PYGB: variants seen among roughly 807,000 people sequenced by gnomAD.
PYGB encodes the protein glycogen phosphorylase, brain form.
A neutral mutation model predicts 94.3 loss-of-function variants in PYGB; 82 were observed. That is an observed-to-expected ratio of 0.87 (90% CI 0.73 to 1.04). The LOEUF (loss-of-function observed/expected upper bound fraction) is 1.04. Ranked by LOEUF, PYGB falls within the 50% of genes least tolerant of loss-of-function variation. The probability of loss-of-function intolerance (pLI) is 0.00; values close to 1 mark genes in which losing one functional copy is unlikely to be tolerated. For missense variants in PYGB, 1,132 were observed against 1,158.2 expected (o/e 0.98, Z 0.33); for synonymous variants, 488 against 479.1 (o/e 1.02, Z -0.24).
intron 15 of PYGB, 27 bp from the exon 16 acceptor site, chr20:25,290,454 C>CT (rs1276117707): frequency 1.3e-6 from 2 of 1,594,080 alleles, no homozygotes; most frequent in South Asian, 1.1e-5. Flanking sequence ...CATTTTTGTG[C>CT]TAAAAACCTT....
At chr20:25,270,033 C>T (rs1308304815) in intron 3 of PYGB, among the ~76,000 whole-genome samples, 1 of 152,172 alleles carries the variant, frequency 6.6e-6, no homozygotes, top group East Asian at 1.9e-4. Flanking sequence ...TTCCCTGCTG[C>T]AGGCGAGTCC....
intron 3 of PYGB, among the ~76,000 whole-genome samples, chr20:25,270,274 T>A (rs2088255892): frequency 6.8e-6 from 1 of 148,094 alleles, no homozygotes; most frequent in East Asian, 2.0e-4. Context: ...TGATCTCGGC[T>A]CACTGCAAGC....
chr20:25,261,048 G>T (rs890846324), intron 2 of PYGB, among the ~76,000 whole-genome samples: 1 of 152,234 alleles, frequency 6.6e-6, no homozygotes, highest in African/African-American at 2.4e-5. Context: ...CTCCACCTCT[G>T]GGGGCAGGGC....
At position 25,276,747 on chromosome 20, in the gene PYGB, G is replaced by C. The variant is rs771184402; in HGVS notation, c.762G>C (p.Lys254Asn). ...LWSAKAPNDFKLQDFNVGDYI... is the reference protein window; with the variant it reads ...LWSAKAPNDFNLQDFNVGDYI... ...CCGCCAAGGCTCCCAACGACTTCAA[G>C]CTGCAGGACTGTACGTTCCGTGGTT... Residue 254 changes from lysine to asparagine, a missense_variant, in exon 6 of 20, where the codon AAG becomes AAC. Transcript: ENST00000216962. The C allele has an allele frequency of 1.2e-6, 2 of 1,613,772 alleles. No homozygotes were observed. Among genetic ancestry groups the C allele is most frequent in the Admixed American group, 1.7e-5 (1 of 60,008 alleles).
intron 7 of PYGB, among the ~76,000 whole-genome samples, 157 bp downstream of exon 7, chr20:25,277,483 G>T (rs758419644): frequency 1.3e-5 from 2 of 152,166 alleles, no homozygotes; most frequent in Non-Finnish European, 2.9e-5. Flanking sequence ...CGATGCCCTT[G>T]GGGAGGAGAG....
chr20:25,277,371 C>G (rs780120251), intron 7 of PYGB, 45 bp downstream of exon 7: 1 of 1,515,864 alleles, frequency 6.6e-7, no homozygotes, highest in South Asian at 1.1e-5. Context: ...GTATCGCTTT[C>G]TGGCATAGAG....
intron 1 of PYGB, among the ~76,000 whole-genome samples, chr20:25,250,823 A>G (rs2092885653): frequency 6.6e-6 from 1 of 152,228 alleles, no homozygotes; most frequent in Non-Finnish European, 1.5e-5. Context: ...CAAGTCCTGA[A>G]GGAAAAATTA....
chr20:25,264,975 C>T (rs866571940), intron 2 of PYGB, among the ~76,000 whole-genome samples: 8 of 152,332 alleles, frequency 5.3e-5, no homozygotes, highest in Admixed American at 2.0e-4. Context: ...CCAAGACAAT[C>T]CTAAGCCAAA....
In PYGB at chr20:25,292,571, T is replaced by G. The variant is rs1600743360; in HGVS notation, c.2135T>G (p.Phe712Cys). 6.2e-7 allele frequency: 1 copy of G among 1,613,082 alleles called. No individual in the cohort carries two copies. The highest frequency in any genetic ancestry group is 1.7e-4 in the Middle Eastern group (1 of 6,060). Residue 712 changes from phenylalanine (F) to cysteine (C), a missense_variant, in exon 17 of 20, where the codon TTC becomes TGC. Physicochemically the swap from Phe to Cys is radical, Grantham distance 205 (BLOSUM62 -2). Coordinates refer to ENST00000216962, the MANE Select transcript of PYGB (RefSeq NM_002862.4). ...GCCGGGGCCGAGAACCTCTTCATCT[T>G]CGGCCTGCGGGTGGAGGATGTCGAG... is the stretch of plus-strand genomic sequence containing the variant. ...EEAGAENLFIFGLRVEDVEAL... is the reference protein window; with the variant it reads ...EEAGAENLFICGLRVEDVEAL...
chr20:25,255,639 G>T (rs2092900708), intron 1 of PYGB, among the ~76,000 whole-genome samples: 1 of 151,548 alleles, frequency 6.6e-6, no homozygotes, highest in African/African-American at 2.5e-5. Context: ...CAAAAGGAGA[G>T]TTGCTGTGCT....
chr20:25,292,683 T>G lies in PYGB; in HGVS notation c.2177+70T>G, dbSNP rs780317976. 3.3e-6 allele frequency: 5 copies of G among 1,527,088 alleles called. No homozygotes were observed. In the Admixed American group the frequency reaches 5.7e-5, roughly 17 times the overall value. The allele number at this position is 1,527,088 out of a possible 1,614,324, so 94.6% of individuals were successfully genotyped here. A position where few individuals can be genotyped will look rare whatever the true frequency, so the allele number is the denominator to read the frequency against. Reference sequence around the variant, plus strand: ...AATGAAGGGTGTTGGGCTGGGGGCATTGGCTGGACTGGGCTCTTGGGGCCA... The same window carrying G: ...AATGAAGGGTGTTGGGCTGGGGGCAGTGGCTGGACTGGGCTCTTGGGGCCA... On this transcript the variant is annotated intron_variant, in intron 17 of 19. Coordinates refer to ENST00000216962, the MANE Select transcript of PYGB (RefSeq NM_002862.4).
intron 14 of PYGB, among the ~76,000 whole-genome samples, chr20:25,284,584 G>A (rs1251339623): frequency 6.6e-6 from 1 of 152,154 alleles, no homozygotes; most frequent in Non-Finnish European, 1.5e-5. Flanking sequence ...ACAGGCGCAC[G>A]CCACTATGCC....
Position 25,282,039 on chromosome 20 carries a change from G to A in PYGB, c.1410G>A (p.Lys470=). The A allele has an allele frequency of 6.2e-7, 1 of 1,611,886 alleles. No individual in the cohort carries two copies. Among genetic ancestry groups the A allele is most frequent in the Non-Finnish European group, 8.5e-7 (1 of 1,177,936 alleles). ...CTGTTCTCTGTGTTTGCAGCTTTAA[G>A]GATTTTTATGAACTGGAGCCAGAGA... is the stretch of plus-strand genomic sequence containing the variant. ...HSEIVKQSVF[K]DFYELEPEKF... The change falls in exon 12 of 20, where the codon AAG becomes AAA. Residue 470 remains lysine, a synonymous_variant. Coordinates refer to ENST00000216962, the MANE Select transcript of PYGB (RefSeq NM_002862.4).
chr20:25,281,346 C>T (rs372852008), intron 11 of PYGB, among the ~76,000 whole-genome samples: 5 of 152,238 alleles, frequency 3.3e-5, no homozygotes, highest in East Asian at 1.9e-4. Context: ...CTGCGGGCAA[C>T]GGGGAGACGG....
chr20:25,279,099 C>A lies in PYGB; in HGVS notation c.1042C>A (p.Pro348Thr), dbSNP rs760321972. The A allele has an allele frequency of 6.2e-7, 1 of 1,614,070 alleles. No homozygotes were observed. Among genetic ancestry groups the A allele is most frequent in the Non-Finnish European group, 8.5e-7 (1 of 1,179,930 alleles). Residue 348 changes from proline to threonine, a missense_variant, in exon 9 of 20, where the codon CCT (proline) becomes ACT (threonine). Physicochemically the swap from Pro to Thr is conservative, Grantham distance 38. Transcript: ENST00000216962. ...LNDTHPALSI[P>T]ELMRILVDVE... The stretch of plus-strand genomic sequence containing the variant: ...CGACACCCACCCCGCCCTCTCCATC[C>A]CTGAGCTCATGCGGATCCTGGTGGA...
chr20:25,266,538 A>G (rs1461004804), intron 2 of PYGB, among the ~76,000 whole-genome samples: 1 of 152,224 alleles, frequency 6.6e-6, no homozygotes, highest in Non-Finnish European at 1.5e-5. Context: ...AAGAAAAAAT[A>G]GATACATTGG....
intron 2 of PYGB, among the ~76,000 whole-genome samples, chr20:25,268,161 G>GTC (rs373721698): frequency 6.4e-5 from 4 of 62,078 alleles, no homozygotes; most frequent in African/African-American, 1.9e-4. Flanking sequence ...CCTAGCACCC[G>GTC]CCCCCCCCCC....
At chr20:25,285,316 A>G (rs1305227480) in intron 14 of PYGB, 1 of 151,950 alleles carries the variant, frequency 6.6e-6, no homozygotes, top group African/African-American at 2.4e-5. Flanking sequence ...GGTGACCCGG[A>G]GTCCTCCGCT....
At position 25,288,893 on chromosome 20, in the gene PYGB, C is replaced by T. The variant is rs369911613; in HGVS notation, c.1827+410C>T. ...TTCAGAGTCCTAGATGTGCTGTCAT[C>T]GAGTCCCAGGTCACATCGTCACACT... On this transcript the variant is annotated intron_variant, in intron 15 of 19. Coordinates refer to ENST00000216962, the MANE Select transcript of PYGB (RefSeq NM_002862.4). Among the ~76,000 whole-genome samples the T allele has an allele frequency of 1.5e-3, 235 of 152,314 alleles. 1 individual carries two copies. The highest frequency in any genetic ancestry group is 5.3e-3 in the African/African-American group (220 of 41,556).
Sources: gnomAD v4.1 joint callset for allele counts (sites outside exome capture counted in the v4.1 genomes callset) on GRCh38, gnomAD v4.1.1 for gene constraint, MANE v1.5 for transcripts, NCBI Gene and HGNC (gene_info 2026-07-23, HGNC 2026-07-21) for gene names.